Variants in GGNBP2 observed in about 807,000 individuals in gnomAD.
GGNBP2 encodes gametogenetin binding protein 2, also known as gametogenetin-binding protein 2.
A neutral mutation model predicts 85.9 loss-of-function variants in GGNBP2; 10 were observed. The ratio of observed to expected loss-of-function variants is 0.12; its 90% confidence interval spans 0.07 to 0.20. The LOEUF is 0.20. Ranked by LOEUF, GGNBP2 falls within the 10% of genes least tolerant of loss-of-function variation. The probability of loss-of-function intolerance (pLI) is 1.00; values close to 1 mark genes in which losing one functional copy is unlikely to be tolerated. For synonymous variants in GGNBP2, 287 were observed against 285.7 expected, an observed-to-expected ratio of 1.00 and a Z score of -0.05; for missense variants, 595 against 857.8, an observed-to-expected ratio of 0.69 and a Z score of 3.83.
chr17:36,580,239 G>A (rs113683308), intron 8 of GGNBP2, among the ~76,000 whole-genome samples: 2 of 143,606 alleles, frequency 1.4e-5, no homozygotes, highest in East Asian at 4.2e-4. Flanking sequence ...ACGGAGCCTC[G>A]CTCTGTTACC....
In GGNBP2 at chr17:36,555,877, A is replaced by G. The variant is rs189413755; in HGVS notation, c.174+977A>G. ...CTGTACATGTTTAGTATTTCCTGTC[A>G]AATATTTTCGATCCTTGGTTGGTTA... is the stretch of plus-strand genomic sequence containing the variant. On this transcript the variant is annotated intron_variant, in intron 3 of 13. Transcript: ENST00000613102. Among the ~76,000 whole-genome samples the G allele has an allele frequency of 2.5e-3, 375 of 152,340 alleles. 1 individual carries two copies. Among genetic ancestry groups the G allele is most frequent in the African/African-American group, 8.6e-3 (357 of 41,576 alleles).
intron 8 of GGNBP2, among the ~76,000 whole-genome samples, chr17:36,579,746 T>TA (rs1436027526): frequency 3.3e-5 from 5 of 152,192 alleles, no homozygotes; most frequent in African/African-American, 1.2e-4. Flanking sequence ...CATGGTGGCT[T>TA]ACGCCTGTAA....
At position 36,556,751 on chromosome 17, in the gene GGNBP2, CTTTTTTTTTTT is replaced by C. The variant is rs10544073; in HGVS notation, c.175-313_175-303del. ...AAAAAAAAGGTACAGCTGTATTGTG[CTTTTTTTTTTT>C]TTTTTTTTTTTTTTTTTTGTGAGAG... On this transcript the variant is annotated intron_variant, in intron 3 of 13. Coordinates refer to ENST00000613102, the MANE Select transcript of GGNBP2 (RefSeq NM_024835.5). Among the ~76,000 whole-genome samples the C allele has an allele frequency of 4.7e-3, 247 of 52,868 alleles. 2 individuals are homozygous for C. The highest frequency in any genetic ancestry group is 0.015 in the African/African-American group (237 of 15,892). The allele number at this position is 52,868 out of a possible 152,430, so 34.7% of individuals were successfully genotyped here.
intron 8 of GGNBP2, among the ~76,000 whole-genome samples, chr17:36,580,034 A>G (rs1461021194): frequency 3.3e-5 from 5 of 151,904 alleles, no homozygotes. Flanking sequence ...AAACAAAAAC[A>G]AAACAAAAAA....
At chr17:36,585,269 C>G in intron 9 of GGNBP2, 31 bp from the exon 10 acceptor site, 1 of 1,592,800 alleles carries the variant, frequency 6.3e-7, no homozygotes, top group Non-Finnish European at 8.6e-7. Flanking sequence ...GAGTAAAGCT[C>G]TTGACTCTCT....
chr17:36,577,033 T>A (rs1599540705), intron 6 of GGNBP2: 1 of 152,194 alleles, frequency 6.6e-6, no homozygotes, highest in African/African-American at 2.4e-5. Context: ...GTCATCTTTA[T>A]AGACATGTTA....
rs369847471 is a variant in GGNBP2, at chr17:36,545,699, C to T, written c.-26C>T. The T allele has an allele frequency of 5.2e-6, 8 of 1,535,184 alleles. No homozygotes were observed. Among genetic ancestry groups the T allele is most frequent in the East Asian group, 4.9e-5 (2 of 40,912 alleles). On this transcript the variant is annotated 5_prime_UTR_variant, in exon 2 of 14. It adds an upstream start codon to the 5' untranslated region. Coordinates refer to ENST00000613102, the MANE Select transcript of GGNBP2 (RefSeq NM_024835.5). ...GGCGGCAGCTGGGAGGAGGTGGTGA[C>T]GGTGGCAACGGCAGCGTCGGGGACG... is the stretch of plus-strand genomic sequence containing the variant.
intron 9 of GGNBP2, among the ~76,000 whole-genome samples, chr17:36,584,752 T>G (rs2074683957): frequency 6.6e-6 from 1 of 151,884 alleles, no homozygotes. Context: ...AGTTCAAGAG[T>G]TCAAGACTAG....
intron 2 of GGNBP2, chr17:36,546,268 A>G (rs1272263928): frequency 3.5e-6 from 1 of 283,182 alleles, no homozygotes; most frequent in African/African-American, 2.2e-5. Context: ...ACATAAGCTT[A>G]ATTACTGGGG....
intron 13 of GGNBP2, among the ~76,000 whole-genome samples, chr17:36,588,652 T>G (rs2074728200): frequency 6.6e-6 from 1 of 151,662 alleles, no homozygotes; most frequent in South Asian, 2.1e-4. Context: ...CTAGATAGAG[T>G]GCAGTGGCAC....
chr17:36,586,268 G>A, intron 12 of GGNBP2, 70 bp downstream of exon 12: 1 of 1,538,578 alleles, frequency 6.5e-7, no homozygotes, highest in Non-Finnish European at 8.7e-7. Flanking sequence ...CCTTGGAGTG[G>A]CATATGTGCA....
chr17:36,588,268 T>A (rs1356495097), intron 13 of GGNBP2, among the ~76,000 whole-genome samples: 2 of 151,762 alleles, frequency 1.3e-5, no homozygotes, highest in African/African-American at 4.8e-5. Context: ...TTTCTTTTTC[T>A]TTTTTTTGAG....
chr17:36,560,548 G>A (rs2074407347), intron 4 of GGNBP2, among the ~76,000 whole-genome samples: 1 of 152,142 alleles, frequency 6.6e-6, no homozygotes, highest in African/African-American at 2.4e-5. Context: ...TCTGCAACTG[G>A]TGTATTTACA....
Position 36,579,865 on chromosome 17 carries a change from G to T in GGNBP2, c.1020+446G>T, listed in dbSNP as rs191849120. Among the ~76,000 whole-genome samples, 666 of 152,174 alleles carry T rather than the reference G, an allele frequency of 4.4e-3. 5 individuals carry two copies. Among genetic ancestry groups the T allele is most frequent in the Non-Finnish European group, 5.7e-3 (391 of 68,004 alleles). ...GTCTCTACTAAAAATACAAAAATTA[G>T]CTGGGCGTGGTGGCGGGCACCTGTA... On this transcript the variant is annotated intron_variant, in intron 8 of 13. Coordinates refer to ENST00000613102, the MANE Select transcript of GGNBP2 (RefSeq NM_024835.5).
Position 36,589,276 on chromosome 17 carries a change from T to C in GGNBP2, c.1959T>C (p.Ala653=), listed in dbSNP as rs1457191630. 3 of 1,613,084 alleles carry C rather than the reference T, an allele frequency of 1.9e-6. No individual in the cohort carries two copies. The highest frequency in any genetic ancestry group is 4.5e-5 in the East Asian group (2 of 44,890). The stretch of plus-strand genomic sequence containing the variant: ...AAGATGAAATACAGTCATTTATGGC[T>C]AATAACCAGTCTTTCTACAGCAATA... ...ISQDEIQSFM[A]NNQSFYSNRE... is the part of the protein sequence containing the mutation. The change falls in exon 14 of 14, where the codon GCT becomes GCC. Residue 653 remains alanine (A), a synonymous_variant. Coordinates refer to ENST00000613102, the MANE Select transcript of GGNBP2 (RefSeq NM_024835.5).
chr17:36,579,385 A>G lies in GGNBP2; in HGVS notation c.986A>G (p.Tyr329Cys), dbSNP rs748055064. The G allele has an allele frequency of 2.5e-6, 4 of 1,614,224 alleles. No individual in the cohort carries two copies. Among genetic ancestry groups the G allele is most frequent in the Admixed American group, 1.7e-5 (1 of 60,026 alleles). ...AEEQTWQMLF[Y>C]LGVDALRKSF... is the part of the protein sequence containing the mutation. Reference sequence around the variant, plus strand: ...GAGCAGACATGGCAGATGCTTTTCTATCTTGGTGTTGATGCTTTACGCAAG... The same window carrying G: ...GAGCAGACATGGCAGATGCTTTTCTGTCTTGGTGTTGATGCTTTACGCAAG... The change falls in exon 8 of 14, where the codon TAT (tyrosine) becomes TGT (cysteine). Residue 329 changes from tyrosine to cysteine, a missense_variant. By Grantham distance (194) the Tyr-to-Cys change is radical (BLOSUM62 -2). This residue lies in a region of GGNBP2 where 92 missense variants were observed against 183.9 expected (regional missense o/e 0.50). Coordinates refer to ENST00000613102, the MANE Select transcript of GGNBP2 (RefSeq NM_024835.5).
At position 36,573,083 on chromosome 17, in the gene GGNBP2, A is replaced by G. The variant is rs562630514; in HGVS notation, c.642-4900A>G. 3.3e-5 allele frequency among the ~76,000 whole-genome samples: 5 copies of G among 152,232 alleles called. No homozygotes were observed. In the South Asian group the frequency reaches 1.0e-3, roughly 32 times the overall value. Reference sequence around the variant, plus strand: ...ACTGTGACATTATTTAAAAATGGGCAGTGTCATAGTATATGTGATATTATT... The same window carrying G: ...ACTGTGACATTATTTAAAAATGGGCGGTGTCATAGTATATGTGATATTATT... On this transcript the variant is annotated intron_variant, in intron 6 of 13. Transcript: ENST00000613102.
intron 2 of GGNBP2, among the ~76,000 whole-genome samples, chr17:36,551,015 GAGTATTT>G (rs1445627535): frequency 6.6e-6 from 1 of 152,204 alleles, no homozygotes; most frequent in Non-Finnish European, 1.5e-5. Context: ...GGCGAGGACA[GAGTATTT>G]AGTTTGAGTG....
rs182948460 is a variant in GGNBP2 at position 36,571,894 on chromosome 17, T to A, written c.641+4118T>A. Among the ~76,000 whole-genome samples the A allele has an allele frequency of 5.5e-3, 833 of 150,890 alleles. 3 individuals are homozygous for A. The highest frequency in any genetic ancestry group is 8.4e-3 in the Admixed American group (127 of 15,158). On this transcript the variant is annotated intron_variant, in intron 6 of 13. Transcript: ENST00000613102. ...TAAATAAATAAATATAAAAACAAAA[T>A]AAAAAAATTAGCTGGGCGTAGTGAC...
Sources: allele counts gnomAD v4.1 joint callset (sites outside exome capture counted in the v4.1 genomes callset), GRCh38; gene constraint gnomAD v4.1.1; regional missense constraint gnomAD v4.1.1; transcripts MANE v1.5; gene names NCBI Gene and HGNC (gene_info 2026-07-23, HGNC 2026-07-21).